Variants in SEC16B observed in about 807,000 individuals in gnomAD.
The protein encoded by SEC16B is protein transport protein Sec16B.
SEC16B carries 115 observed loss-of-function variants against 141.8 expected under a neutral mutation model. The ratio of observed to expected loss-of-function variants is 0.81; its 90% CI spans 0.70 to 0.95. The LOEUF (loss-of-function observed/expected upper bound fraction) is 0.95. Ranked by LOEUF, SEC16B falls within the 40% of genes least tolerant of loss-of-function variation. The pLI, the probability that SEC16B is intolerant of heterozygous loss-of-function variation, is 0.00. For missense variants in SEC16B, 1,291 were observed against 1,312.3 expected, an observed-to-expected ratio of 0.98 and a Z score of 0.25; for synonymous variants, 493 against 492.5, an observed-to-expected ratio of 1.00 and a Z score of -0.01.
intron 25 of SEC16B, 77 bp downstream of exon 25, chr1:177,930,468 C>T: frequency 1.1e-6 from 1 of 916,318 alleles, no homozygotes; most frequent in East Asian, 2.6e-5. Context: ...AAATGGTAAA[C>T]TGGGATGATA....
chr1:177,940,019 G>T (rs1651159633), intron 17 of SEC16B, among the ~76,000 whole-genome samples: 1 of 152,170 alleles, frequency 6.6e-6, no homozygotes, highest in Non-Finnish European at 1.5e-5. Context: ...AGGAGCGCAT[G>T]GAAAGAACTA....
chr1:177,937,218 G>A lies in SEC16B; in HGVS notation c.2499C>T (p.Gly833=), dbSNP rs60742235. The change falls in exon 19 of 26, where the codon GGC becomes GGT. Residue 833 remains glycine, a synonymous_variant. Coordinates refer to ENST00000308284, the MANE Select transcript of SEC16B (RefSeq NM_033127.4). The stretch of plus-strand genomic sequence containing the variant: ...ACCCTAGCGGCCAGGTCTTACCAGG[G>A]CCCAGGTGTGTCTGCAGCATTTCCT... ...VWEEMLQTHL[G]PGENTVSQET... 4.7e-4 allele frequency: 764 copies of A among 1,610,592 alleles called. 3 individuals are homozygous for A. The African/African-American group carries it at 8.9e-3, about 19-fold the overall frequency.
intron 1 of SEC16B, 26 bp from the exon 2 acceptor site, chr1:177,968,065 A>C: frequency 7.3e-7 from 1 of 1,361,406 alleles, no homozygotes; most frequent in East Asian, 2.5e-5. Context: ...AAAGGAAAAA[A>C]TCATCACTTG....
At chr1:177,951,285 G>A (rs1481478303) in intron 12 of SEC16B, among the ~76,000 whole-genome samples, 3 of 152,010 alleles carry the variant, frequency 2.0e-5, no homozygotes, top group Non-Finnish European at 2.9e-5. Flanking sequence ...GAAAAAAATC[G>A]ATCCAGACAG....
At chr1:177,966,525 G>T (rs1296728834) in intron 2 of SEC16B, among the ~76,000 whole-genome samples, 3 of 152,092 alleles carry the variant, frequency 2.0e-5, no homozygotes, top group African/African-American at 4.8e-5. Context: ...AATCCAAAAA[G>T]ACTGGGGAGA....
intron 13 of SEC16B, among the ~76,000 whole-genome samples, chr1:177,946,786 A>G (rs1651750816): frequency 1.3e-5 from 2 of 152,188 alleles, no homozygotes; most frequent in African/African-American, 4.8e-5. Context: ...GTTCTCCCTA[A>G]AGGACTTTTT....
rs1458726366 is a variant in SEC16B, at chr1:177,947,663, A to AT, written c.1663+161_1663+162insA. 1.1e-4 allele frequency among the ~76,000 whole-genome samples: 17 copies of AT among 149,372 alleles called. No individual in the cohort carries two copies. In the East Asian group the frequency reaches 3.3e-3, roughly 29 times the overall value. On this transcript the variant is annotated intron_variant, in intron 13 of 25. Coordinates refer to ENST00000308284, the MANE Select transcript of SEC16B (RefSeq NM_033127.4). ...GGCCCTACCTAGAACCTGAGAATCT[A>AT]AGGGCAGGATGTTTAAAGCTGACCT... is the stretch of plus-strand genomic sequence containing the variant.
chr1:177,933,229 G>T lies in SEC16B; in HGVS notation c.2808C>A (p.Asp936Glu). The T allele has an allele frequency of 6.3e-7, 1 of 1,585,366 alleles. No homozygotes were observed. The highest frequency in any genetic ancestry group is 8.6e-7 in the Non-Finnish European group (1 of 1,165,356). The change falls in exon 22 of 26, where the codon GAC becomes GAA. Residue 936 changes from aspartate to glutamate, a missense_variant. Transcript: ENST00000308284. The part of the protein sequence containing the change: ...ASPAGDEDSS[D>E]SPDSEETPRA... ...CAGAGCCTACCTCAGAGTCAGGGCT[G>T]TCTGAGGAGTCCTCGTCTCCAGCGG...
At chr1:177,947,679 A>C in intron 13 of SEC16B, 146 bp downstream of exon 13, 1 of 539,454 alleles carries the variant, frequency 1.9e-6, no homozygotes. Flanking sequence ...AGGATGTTTA[A>C]AGCTGACCTG....
intron 1 of SEC16B, among the ~76,000 whole-genome samples, chr1:177,968,766 A>G (rs900335991): frequency 6.6e-6 from 1 of 152,148 alleles, no homozygotes; most frequent in African/African-American, 2.4e-5. Context: ...GAACCTATAT[A>G]ATATGGTCAT....
In SEC16B at chr1:177,958,123, C is replaced by T; in HGVS notation, c.1365+9G>A. 5.4e-6 allele frequency: 8 copies of T among 1,478,026 alleles called. No individual in the cohort carries two copies. The highest frequency in any genetic ancestry group is 7.2e-6 in the Non-Finnish European group (8 of 1,107,904). The allele number at this position is 1,478,026 out of a possible 1,614,324, so 91.6% of individuals were successfully genotyped here. On this transcript the variant is annotated intron_variant, in intron 10 of 25. Transcript: ENST00000308284. ...TTTCAAAATAAGTATGGGGGAAGGG[C>T]ATACTTGCCTTCTTCCTTCCATAGT...
chr1:177,963,448 C>T (rs966221229), intron 5 of SEC16B, among the ~76,000 whole-genome samples: 2 of 151,886 alleles, frequency 1.3e-5, no homozygotes, highest in Non-Finnish European at 2.9e-5. Flanking sequence ...ACTAAAAATA[C>T]AAAAATTAGC....
At chr1:177,933,029 GC>G (rs1650564179) in intron 22 of SEC16B, among the ~76,000 whole-genome samples, 184 bp downstream of exon 22, 2 of 152,072 alleles carry the variant, frequency 1.3e-5, no homozygotes. Context: ...ACTTTTTAAA[GC>G]TTTTTTAATC....
At chr1:177,965,627 G>A (rs1237467171) in intron 3 of SEC16B, among the ~76,000 whole-genome samples, 1 of 152,160 alleles carries the variant, frequency 6.6e-6, no homozygotes, top group African/African-American at 2.4e-5. Context: ...TGGGCTATAA[G>A]GCAAAGTAGG....
chr1:177,956,182 T>A (rs1267062885), intron 10 of SEC16B, among the ~76,000 whole-genome samples: 1 of 152,190 alleles, frequency 6.6e-6, no homozygotes, highest in Non-Finnish European at 1.5e-5. Flanking sequence ...AATTTCTATA[T>A]CCAAAATGAA....
rs12081732 is a variant in SEC16B at position 177,959,088 on chromosome 1, A to C, written c.999-113T>G. 2.1e-3 allele frequency: 2,373 copies of C among 1,136,416 alleles called. 33 individuals are homozygous for C. The African/African-American group carries it at 0.031, about 15-fold the overall frequency. The allele number at this position is 1,136,416 out of a possible 1,614,324, so 70.4% of individuals were successfully genotyped here. A position where few individuals can be genotyped will look rare whatever the true frequency, so the allele number is the denominator to read the frequency against. The stretch of plus-strand genomic sequence containing the variant: ...CTGGCTGGGCTGTGATTGAGATAGA[A>C]ATCTGACAAGCCAGGGCTAAGGTAA... On this transcript the variant is annotated intron_variant, in intron 8 of 25. Coordinates refer to ENST00000308284, the MANE Select transcript of SEC16B (RefSeq NM_033127.4).
chr1:177,979,734 G>T (rs1289296403), intron 1 of SEC16B, among the ~76,000 whole-genome samples: 1 of 152,242 alleles, frequency 6.6e-6, no homozygotes, highest in Non-Finnish European at 1.5e-5. Flanking sequence ...CCACATGGCT[G>T]AGGAGGCCTC....
chr1:177,936,194 C>T, intron 20 of SEC16B, 104 bp downstream of exon 20: 2 of 861,826 alleles, frequency 2.3e-6, no homozygotes. Flanking sequence ...AAAGCTGCTG[C>T]AACACTGAGG....
chr1:177,973,674 A>G (rs983047987), upstream of SEC16B, among the ~76,000 whole-genome samples: 1 of 152,186 alleles, frequency 6.6e-6, no homozygotes, highest in Non-Finnish European at 1.5e-5. Flanking sequence ...TTGAACACCT[A>G]CTATATGCCC....
Sources: allele counts gnomAD v4.1 joint callset (sites outside exome capture counted in the v4.1 genomes callset), GRCh38; gene constraint gnomAD v4.1.1; transcripts MANE v1.5; gene names NCBI Gene and HGNC (gene_info 2026-07-23, HGNC 2026-07-21).